Variants in PRDM16 observed in about 807,000 individuals in gnomAD.
PRDM16 encodes histone-lysine N-methyltransferase PRDM16.
Under a neutral mutation model 110.6 loss-of-function variants are expected in PRDM16, and 23 were observed. The ratio of observed to expected loss-of-function variants is 0.21; its 90% CI spans 0.15 to 0.29. The LOEUF (loss-of-function observed/expected upper bound fraction) is 0.29, where lower values mean the gene tolerates loss of function less well. PRDM16 is among the 10% of genes least tolerant of loss of function. The pLI is 1.00. For synonymous variants in PRDM16, 799 were observed against 781.8 expected, an observed-to-expected ratio of 1.02 and a Z score of -0.37; for missense variants, 1,615 against 1,794.3, an observed-to-expected ratio of 0.90 and a Z score of 1.81.
chr1:3,316,680 A>ACACAGGGTAGACAGGAAACAGTGG (rs1641610819), intron 3 of PRDM16, among the ~76,000 whole-genome samples: 2 of 151,306 alleles, frequency 1.3e-5, no homozygotes. Context: ...GGAAACAGTG[A>ACACAGGGTAGACAGGAAACAGTGG]CACAGGGTAG....
At chr1:3,430,059 T>A (rs1463882845) in intron 14 of PRDM16, among the ~76,000 whole-genome samples, 1 of 152,132 alleles carries the variant, frequency 6.6e-6, no homozygotes, top group Non-Finnish European at 1.5e-5. Context: ...GCCCTTTGCT[T>A]GGGCCCCTCT....
intron 4 of PRDM16, among the ~76,000 whole-genome samples, chr1:3,386,345 C>T (rs1643198337): frequency 2.0e-5 from 3 of 152,246 alleles, no homozygotes; most frequent in Admixed American, 6.5e-5. Flanking sequence ...TCAAGGCTCT[C>T]GACTTTACAG....
intron 1 of PRDM16, among the ~76,000 whole-genome samples, chr1:3,177,534 T>C (rs1644103974): frequency 6.6e-6 from 1 of 152,182 alleles, no homozygotes; most frequent in Non-Finnish European, 1.5e-5. Flanking sequence ...CCACCTTCCC[T>C]CCAGGGCTGC....
chr1:3,146,401 T>C (rs1432081220), intron 1 of PRDM16, among the ~76,000 whole-genome samples: 1 of 152,288 alleles, frequency 6.6e-6, no homozygotes, highest in African/African-American at 2.4e-5. Context: ...AAAACCATTG[T>C]GCTGCCTTGC....
At chr1:3,152,109 G>A (rs538219989) in intron 1 of PRDM16, among the ~76,000 whole-genome samples, 1 of 152,204 alleles carries the variant, frequency 6.6e-6, no homozygotes, top group Non-Finnish European at 1.5e-5. Flanking sequence ...GACATAGGCT[G>A]AGCATGGACG....
At chr1:3,402,618 A>T (rs1643491945) in intron 5 of PRDM16, among the ~76,000 whole-genome samples, 173 bp from the exon 6 acceptor site, 1 of 152,126 alleles carries the variant, frequency 6.6e-6, no homozygotes, top group Non-Finnish European at 1.5e-5. Context: ...GCCTGTTTCC[A>T]GGGCAGGCTG....
At chr1:3,135,062 C>T (rs915911938) in intron 1 of PRDM16, among the ~76,000 whole-genome samples, 2 of 152,188 alleles carry the variant, frequency 1.3e-5, no homozygotes, top group African/African-American at 2.4e-5. Context: ...GTGCCACCCC[C>T]GGGTCAGGGG....
chr1:3,365,958 A>G (rs1337634673), intron 3 of PRDM16, among the ~76,000 whole-genome samples: 2 of 151,982 alleles, frequency 1.3e-5, no homozygotes, highest in East Asian at 3.9e-4. Context: ...ACGCATGCAC[A>G]CATGCACACA....
intron 3 of PRDM16, among the ~76,000 whole-genome samples, chr1:3,365,984 A>G (rs1264899029): frequency 1.4e-5 from 2 of 147,010 alleles, no homozygotes; most frequent in Non-Finnish European, 1.5e-5. Flanking sequence ...ACACACGCAC[A>G]CAAACATGCA....
rs536873264 is a variant in PRDM16, at chr1:3,267,984, G to A, written c.438+23847G>A. 1.6e-4 allele frequency among the ~76,000 whole-genome samples: 24 copies of A among 152,360 alleles called. No individual in the cohort carries two copies. The East Asian group carries it at 4.2e-3, about 27-fold the overall frequency. On this transcript the variant is annotated intron_variant, in intron 3 of 16. Transcript: ENST00000270722. ...GTGACAGGGGGTGGATCTGCCTGCC[G>A]TTCGCAAGCAACGCGGGTGCAAAAC...
intron 3 of PRDM16, among the ~76,000 whole-genome samples, chr1:3,314,245 G>C (rs1211232772): frequency 2.0e-5 from 3 of 152,092 alleles, no homozygotes; most frequent in Non-Finnish European, 4.4e-5. Flanking sequence ...GGTGTGTCTG[G>C]GTGGCAGTTT....
chr1:3,156,820 G>T (rs566465339), intron 1 of PRDM16, among the ~76,000 whole-genome samples: 1 of 152,162 alleles, frequency 6.6e-6, no homozygotes, highest in Non-Finnish European at 1.5e-5. Flanking sequence ...TCTTCGAGGG[G>T]GGAAGCAGAG....
intron 3 of PRDM16, among the ~76,000 whole-genome samples, chr1:3,249,698 G>C (rs1330764299): frequency 1.3e-5 from 2 of 152,212 alleles, no homozygotes; most frequent in Non-Finnish European, 2.9e-5. Flanking sequence ...GATAATCTCA[G>C]CCTGAATAGA....
In PRDM16 at chr1:3,409,673, GGT is replaced by G. The variant is rs780139725; in HGVS notation, c.1187-1701_1187-1700del. Among the ~76,000 whole-genome samples the G allele has an allele frequency of 7.3e-5, 11 of 151,400 alleles. No homozygotes were observed. In the East Asian group the frequency reaches 1.2e-3, roughly 16 times the overall value. ...GTGTGTGTGTGGTGTGCGTGTCTGTGGTGTGTGTGTGCGTGTGTGTGGTGTAT... is the reference window on the plus strand; with the variant it reads ...GTGTGTGTGTGGTGTGCGTGTCTGTGGTGTGTGTGCGTGTGTGTGGTGTAT... On this transcript the variant is annotated intron_variant, in intron 8 of 16. Coordinates refer to ENST00000270722, the MANE Select transcript of PRDM16 (RefSeq NM_022114.4).
At chr1:3,210,849 CATT>C (rs989246143) in intron 2 of PRDM16, among the ~76,000 whole-genome samples, 84 of 152,328 alleles carry the variant, frequency 5.5e-4, no homozygotes, top group Middle Eastern at 3.4e-3. Context: ...TTTATTCACT[CATT>C]AGAGATATAT....
At chr1:3,123,233 T>G (rs867407539) in intron 1 of PRDM16, among the ~76,000 whole-genome samples, 2 of 152,202 alleles carry the variant, frequency 1.3e-5, no homozygotes, top group Admixed American at 6.5e-5. Flanking sequence ...GATGCCTTGG[T>G]ATCAGGTTCC....
chr1:3,410,992 C>CA (rs1643675434), intron 8 of PRDM16, among the ~76,000 whole-genome samples: 1 of 152,180 alleles, frequency 6.6e-6, no homozygotes, highest in African/African-American at 2.4e-5. Context: ...GGAACTGTAC[C>CA]AACCGGCCCC....
At chr1:3,179,905 C>G (rs997870524) in intron 1 of PRDM16, among the ~76,000 whole-genome samples, 1 of 152,104 alleles carries the variant, frequency 6.6e-6, no homozygotes, top group Non-Finnish European at 1.5e-5. Flanking sequence ...GTTCCTATCA[C>G]GGTGGACCTT....
intron 1 of PRDM16, among the ~76,000 whole-genome samples, chr1:3,071,793 C>T (rs1000667126): frequency 6.6e-6 from 1 of 152,154 alleles, no homozygotes; most frequent in African/African-American, 2.4e-5. Context: ...AGGCTGGGCA[C>T]AGAACAGCAA....
Sources: gnomAD v4.1 joint callset for allele counts (sites outside exome capture counted in the v4.1 genomes callset) on GRCh38, gnomAD v4.1.1 for gene constraint, MANE v1.5 for transcripts, NCBI Gene and HGNC (gene_info 2026-07-23, HGNC 2026-07-21) for gene names.